CAMK1D: variants seen among roughly 807,000 people sequenced by gnomAD.
The protein encoded by CAMK1D is calcium/calmodulin dependent protein kinase ID.
Under a neutral mutation model 47.7 loss-of-function variants are expected in CAMK1D, and 9 were observed. The observed-to-expected ratio is 0.19, with a 90% CI of 0.11 to 0.33. The LOEUF is 0.33. Among genes scored for constraint, CAMK1D ranks in the 10% least tolerant of loss-of-function variants. The pLI is 1.00. For missense variants in CAMK1D, 291 were observed against 488.7 expected, an observed-to-expected ratio of 0.60 and a Z score of 3.81; for synonymous variants, 184 against 184.9, an observed-to-expected ratio of 0.99 and a Z score of 0.04.
intron 3 of CAMK1D, among the ~76,000 whole-genome samples, chr10:12,699,279 G>T (rs1192734424): frequency 6.6e-6 from 1 of 152,182 alleles, no homozygotes; most frequent in Non-Finnish European, 1.5e-5. Flanking sequence ...CTGTGATCAT[G>T]TCTTTTGCTG....
At position 12,743,636 on chromosome 10, in the gene CAMK1D, C is replaced by G. The variant is rs908382057; in HGVS notation, c.300-17312C>G. Among the ~76,000 whole-genome samples the G allele has an allele frequency of 2.0e-5, 3 of 152,214 alleles. No homozygotes were observed. The South Asian group carries it at 6.2e-4, about 31-fold the overall frequency. On this transcript the variant is annotated intron_variant, in intron 3 of 10. Transcript: ENST00000619168. ...GAACTTCAGAACATTCCTACCACCC[C>G]CAAAACGACCTCTAAACTCACTAGC... is the stretch of plus-strand genomic sequence containing the variant.
intron 2 of CAMK1D, among the ~76,000 whole-genome samples, chr10:12,659,613 A>C (rs1279530841): frequency 6.6e-6 from 1 of 152,206 alleles, no homozygotes; most frequent in Non-Finnish European, 1.5e-5. Context: ...TGAGAAAACA[A>C]GAATTTGACC....
At chr10:12,448,288 G>A (rs1832981297) in intron 1 of CAMK1D, among the ~76,000 whole-genome samples, 2 of 151,842 alleles carry the variant, frequency 1.3e-5, no homozygotes, top group South Asian at 4.2e-4. Flanking sequence ...GCCTCCCAAA[G>A]TGTTGGGATT....
Position 12,769,794 on chromosome 10 carries a change from A to T in CAMK1D, c.560A>T (p.Tyr187Phe). The change falls in exon 5 of 11, where the codon TAT (tyrosine) becomes TTT (phenylalanine). Residue 187 changes from tyrosine to phenylalanine, a missense_variant. By Grantham distance (22) the Tyr-to-Phe change is conservative. Transcript: ENST00000619168. ...VMSTACGTPG[Y>F]VAPEVLAQKP... ...TCCACTGCCTGTGGAACTCCAGGCTATGTCGGTAAGGACAGTGCATGTGCA... is the reference window on the plus strand; with the variant it reads ...TCCACTGCCTGTGGAACTCCAGGCTTTGTCGGTAAGGACAGTGCATGTGCA... 1 of 1,614,122 alleles carries T rather than the reference A, an allele frequency of 6.2e-7. No homozygotes were observed. The highest frequency in any genetic ancestry group is 1.1e-5 in the South Asian group (1 of 91,078).
intron 2 of CAMK1D, among the ~76,000 whole-genome samples, chr10:12,554,786 C>G (rs892231134): frequency 8.6e-5 from 13 of 152,012 alleles, no homozygotes; most frequent in African/African-American, 3.1e-4. Context: ...TCAAGCAGTC[C>G]TCCTACCGCA....
intron 6 of CAMK1D, among the ~76,000 whole-genome samples, chr10:12,791,603 T>C (rs10795982): frequency 0.44 from 67,273 of 152,036 alleles, 15,078 homozygotes; most frequent in East Asian, 0.62. Flanking sequence ...AGGCATATTT[T>C]ACTTAGCAAA....
intron 1 of CAMK1D, among the ~76,000 whole-genome samples, chr10:12,443,486 AG>A (rs1227989303): frequency 6.6e-6 from 1 of 152,124 alleles, no homozygotes; most frequent in African/African-American, 2.4e-5. Context: ...ACCCCAAGAG[AG>A]GGTTCTTGGA....
chr10:12,484,703 G>A (rs1459468060), intron 1 of CAMK1D, among the ~76,000 whole-genome samples: 1 of 152,122 alleles, frequency 6.6e-6, no homozygotes, highest in Non-Finnish European at 1.5e-5. Context: ...CTTCCAGGGG[G>A]CAGCTCGTGG....
intron 1 of CAMK1D, among the ~76,000 whole-genome samples, chr10:12,461,337 T>C (rs918274785): frequency 6.6e-6 from 1 of 152,102 alleles, no homozygotes; most frequent in Non-Finnish European, 1.5e-5. Flanking sequence ...CGAAGGGCAG[T>C]TGGGTAGGAG....
chr10:12,530,795 G>A (rs563601052), intron 1 of CAMK1D, among the ~76,000 whole-genome samples: 12 of 152,236 alleles, frequency 7.9e-5, no homozygotes, highest in Admixed American at 4.6e-4. Flanking sequence ...GGTGGCTCAC[G>A]CCTGTAATCC....
intron 1 of CAMK1D, among the ~76,000 whole-genome samples, chr10:12,393,379 G>A (rs1440999125): frequency 1.3e-5 from 2 of 152,200 alleles, no homozygotes; most frequent in East Asian, 3.9e-4. Flanking sequence ...CCTACTGAAT[G>A]CAACTCATGG....
intron 1 of CAMK1D, among the ~76,000 whole-genome samples, chr10:12,519,059 G>A (rs1835303172): frequency 9.4e-6 from 1 of 106,272 alleles, no homozygotes; most frequent in South Asian, 4.2e-4. Context: ...TCCCAGTAGG[G>A]GTGGCCGGGC....
chr10:12,673,207 A>G (rs1840687470), intron 3 of CAMK1D, among the ~76,000 whole-genome samples: 1 of 145,580 alleles, frequency 6.9e-6, no homozygotes, highest in South Asian at 2.1e-4. Context: ...GCTTGTGGGA[A>G]TTTTGTTTGA....
chr10:12,350,770 A>G (rs188040445), intron 1 of CAMK1D, among the ~76,000 whole-genome samples: 175 of 152,322 alleles, frequency 1.1e-3, no homozygotes, highest in African/African-American at 3.9e-3. Context: ...GTGAAAGAGA[A>G]TCAGGACCTG....
chr10:12,740,462 G>A (rs1835379075), intron 3 of CAMK1D, among the ~76,000 whole-genome samples: 1 of 152,204 alleles, frequency 6.6e-6, no homozygotes, highest in Admixed American at 6.5e-5. Context: ...GCCAGACGTG[G>A]TGGCAAGTGC....
At chr10:12,412,105 A>G (rs2131944736) in intron 1 of CAMK1D, among the ~76,000 whole-genome samples, 1 of 152,314 alleles carries the variant, frequency 6.6e-6, no homozygotes, top group South Asian at 2.1e-4. Flanking sequence ...CTAGTAACAC[A>G]GATGTGTTCT....
chr10:12,748,515 G>A (rs1835784372), intron 3 of CAMK1D, among the ~76,000 whole-genome samples: 1 of 152,158 alleles, frequency 6.6e-6, no homozygotes, highest in Admixed American at 6.5e-5. Flanking sequence ...CCTGGAAAAG[G>A]CTTGCTTTCT....
chr10:12,500,470 C>T (rs555158901), intron 1 of CAMK1D, among the ~76,000 whole-genome samples: 2 of 152,236 alleles, frequency 1.3e-5, no homozygotes, highest in African/African-American at 2.4e-5. Flanking sequence ...GAGCCAGCAC[C>T]AGGAACCTTT....
intron 2 of CAMK1D, among the ~76,000 whole-genome samples, chr10:12,615,095 C>A (rs891627120): frequency 1.8e-4 from 28 of 152,250 alleles, no homozygotes; most frequent in African/African-American, 6.3e-4. Flanking sequence ...GCAGGCAGAA[C>A]GCCTGAGAGC....
Sources: gnomAD v4.1 joint callset for allele counts (sites outside exome capture counted in the v4.1 genomes callset) on GRCh38, gnomAD v4.1.1 for gene constraint, MANE v1.5 for transcripts, NCBI Gene and HGNC (gene_info 2026-07-23, HGNC 2026-07-21) for gene names.